MTRR: variants seen among roughly 807,000 people sequenced by gnomAD.
The protein encoded by MTRR is 5-methyltetrahydrofolate-homocysteine methyltransferase reductase.
MTRR carries 63 observed loss-of-function variants against 79.2 expected under a neutral mutation model. The ratio of observed to expected loss-of-function variants is 0.80; its 90% confidence interval spans 0.65 to 0.98. The LOEUF is 0.98. Ranked by LOEUF, MTRR falls within the 50% of genes least tolerant of loss-of-function variation. The pLI, the probability that MTRR is intolerant of heterozygous loss-of-function variation, is 0.00. For synonymous variants in MTRR, 355 were observed against 313.3 expected (o/e 1.13, Z -1.41); for missense variants, 895 against 839.6 (o/e 1.07, Z -0.82).
intron 1 of MTRR, among the ~76,000 whole-genome samples, chr5:7,853,411 A>C (rs1240795827): frequency 6.6e-6 from 1 of 152,228 alleles, no homozygotes; most frequent in Non-Finnish European, 1.5e-5. Context: ...TGAATTACCC[A>C]GTCTCAGGTA....
chr5:7,873,560 A>G (rs1259637928), intron 3 of MTRR, 34 bp downstream of exon 3: 1 of 1,605,716 alleles, frequency 6.2e-7, no homozygotes, highest in South Asian at 1.1e-5. Context: ...TTACTATAGT[A>G]TACTATTGAT....
At chr5:7,877,735 C>T (rs549824056) in intron 4 of MTRR, among the ~76,000 whole-genome samples, 1 of 152,200 alleles carries the variant, frequency 6.6e-6, no homozygotes, top group African/African-American at 2.4e-5. Flanking sequence ...TATACATACT[C>T]ATGTTTTCAG....
chr5:7,869,283 G>A, intron 1 of MTRR, 68 bp downstream of exon 1: 5 of 1,576,992 alleles, frequency 3.2e-6, no homozygotes, highest in South Asian at 1.1e-5. Context: ...CCTGGGAGAG[G>A]CGGCCCGGGG....
intron 7 of MTRR, 47 bp from the exon 8 acceptor site, chr5:7,886,568 C>G (rs1336845088): frequency 2.9e-6 from 4 of 1,390,584 alleles, no homozygotes; most frequent in Non-Finnish European, 4.1e-6. Flanking sequence ...ACATTTTATT[C>G]TTCATCTTCT....
rs1458075785 is a variant in MTRR, at chr5:7,896,880, C to A, written c.1693C>A (p.Gln565Lys). 1 of 1,613,742 alleles carries A rather than the reference C, an allele frequency of 6.2e-7. No homozygotes were observed. ...FLQHREKLQE[Q>K]HPDGNFGAMW... ...TCCACTTAGAGAGAAACTCCAAGAA[C>A]AACACCCAGATGGAAATTTTGGAGC... The change falls in exon 13 of 15, where the codon CAA becomes AAA. Residue 565 changes from glutamine to lysine, a missense_variant. Physicochemically the swap from Gln to Lys is moderately conservative, Grantham distance 53. Transcript: ENST00000440940.
intron 7 of MTRR, among the ~76,000 whole-genome samples, chr5:7,886,300 A>G (rs182749402): frequency 6.6e-6 from 1 of 152,104 alleles, no homozygotes; most frequent in Non-Finnish European, 1.5e-5. Context: ...AGTAGTCCTA[A>G]ATTGATTTTT....
chr5:7,869,875 GTT>G (rs1262060030), intron 1 of MTRR, among the ~76,000 whole-genome samples: 1 of 152,230 alleles, frequency 6.6e-6, no homozygotes, highest in Non-Finnish European at 1.5e-5. Flanking sequence ...AATGTGTAGT[GTT>G]TTCATATTGT....
chr5:7,884,412 C>T (rs563043242), intron 6 of MTRR, among the ~76,000 whole-genome samples: 68 of 152,274 alleles, frequency 4.5e-4, no homozygotes, highest in African/African-American at 3.1e-4. Flanking sequence ...CACATCCTCC[C>T]CTACACTTTA....
In MTRR at chr5:7,883,288, A is replaced by G. The variant is rs780848110; in HGVS notation, c.903+11A>G. ...GAATTGGACATTTCAGTAAGTTGCA[A>G]AATTTATTTCTCAGCACAGTAATAT... On this transcript the variant is annotated intron_variant, in intron 6 of 14. Transcript: ENST00000440940. 7.4e-6 allele frequency: 12 copies of G among 1,614,036 alleles called. No homozygotes were observed. In the Admixed American group the frequency reaches 1.8e-4, roughly 25 times the overall value.
At chr5:7,867,438 G>A (rs201089424), upstream of MTRR, 33 of 1,614,016 alleles carry the variant, frequency 2.0e-5, no homozygotes, top group Admixed American at 1.3e-4. Flanking sequence ...CAAAGATTGC[G>A]AACTTCCATG....
chr5:7,883,527 CATAT>C, intron 6 of MTRR, among the ~76,000 whole-genome samples: 1 of 133,284 alleles, frequency 7.5e-6, no homozygotes, highest in African/African-American at 3.2e-5. Context: ...TGCTTGGTTA[CATAT>C]GCTGAGTTGT....
At chr5:7,880,290 T>C (rs887465217) in intron 5 of MTRR, among the ~76,000 whole-genome samples, 2 of 152,226 alleles carry the variant, frequency 1.3e-5, no homozygotes, top group African/African-American at 4.8e-5. Flanking sequence ...GCAGGACTTA[T>C]GATAGCCCTG....
At chr5:7,883,079 A>G (rs1001309759) in intron 5 of MTRR, 76 bp from the exon 6 acceptor site, 14 of 1,601,498 alleles carry the variant, frequency 8.7e-6, no homozygotes, top group East Asian at 4.5e-5. Context: ...GCCCCTGTGG[A>G]TCTTGCGTAG....
At chr5:7,854,192 G>T (rs115528290) in intron 1 of MTRR, among the ~76,000 whole-genome samples, 2 of 152,012 alleles carry the variant, frequency 1.3e-5, no homozygotes, top group Non-Finnish European at 2.9e-5. Flanking sequence ...GTTCTGTGCC[G>T]GAGAAGGGGA....
chr5:7,856,707 A>C lies in MTRR; in HGVS notation n.391+5122A>C, dbSNP rs549807342. 5 of 148,654 alleles carry C rather than the reference A, an allele frequency of 3.4e-5. No individual in the cohort carries two copies. The East Asian group carries it at 9.9e-4, about 29-fold the overall frequency. 9.2% of individuals were successfully genotyped at this position (148,654 alleles called of 1,614,324 possible). ...TTGCCTGGTTCCTCACTGAGCCAAG[A>C]CCCCTCTCTGGATTTGCGCACATCA... On this transcript the variant is annotated intron_variant and non_coding_transcript_variant, in intron 1 of 3. Transcript: ENST00000502509.
chr5:7,869,617 ACGCGGCCGTGAGTTCTGCC>A (rs1038915201), intron 1 of MTRR: 3 of 248,214 alleles, frequency 1.2e-5, no homozygotes, highest in South Asian at 8.3e-5. Flanking sequence ...ACCCGGCGGG[ACGCGGCCGTGAGTTCTGCC>A]CGCGGCCGTG....
chr5:7,896,850 T>C lies in MTRR; in HGVS notation c.1677-14T>C. The C allele has an allele frequency of 3.1e-6, 5 of 1,612,568 alleles. No individual in the cohort carries two copies. The highest frequency in any genetic ancestry group is 4.2e-6 in the Non-Finnish European group (5 of 1,178,656). On this transcript the variant is annotated splice_polypyrimidine_tract_variant and intron_variant, in intron 12 of 14. Transcript: ENST00000440940. Reference sequence around the variant, plus strand: ...TTTATATCACACACCTAAACTTTTTTTTTTTCCACTTAGAGAGAAACTCCA... The same window carrying C: ...TTTATATCACACACCTAAACTTTTTCTTTTTCCACTTAGAGAGAAACTCCA...
chr5:7,852,505 G>T (rs1031017337), intron 1 of MTRR, among the ~76,000 whole-genome samples: 1 of 152,132 alleles, frequency 6.6e-6, no homozygotes, highest in African/African-American at 2.4e-5. Context: ...TCAGCCATGA[G>T]TCAAGGGTCA....
At position 7,869,456 on chromosome 5, in the gene MTRR, C is replaced by T. The variant is rs537746498; in HGVS notation, c.-26+241C>T. 1,496 of 559,402 alleles carry T rather than the reference C, an allele frequency of 2.7e-3. 7 individuals carry two copies. The highest frequency in any genetic ancestry group is 3.8e-3 in the Non-Finnish European group (1,192 of 313,628). The allele number at this position is 559,402 out of a possible 1,614,324, so 34.7% of individuals were successfully genotyped here. On this transcript the variant is annotated intron_variant, in intron 1 of 14. Coordinates refer to ENST00000440940, the MANE Select transcript of MTRR (RefSeq NM_002454.3). ...GCGTCGGCCTCTGCCGCGGGAGGCCCCTGGGCGGCGTGGGGTCTCTCCTCA... is the reference window on the plus strand; with the variant it reads ...GCGTCGGCCTCTGCCGCGGGAGGCCTCTGGGCGGCGTGGGGTCTCTCCTCA...
Sources: allele counts gnomAD v4.1 joint callset (sites outside exome capture counted in the v4.1 genomes callset), GRCh38; gene constraint gnomAD v4.1.1; transcripts MANE v1.5; gene names NCBI Gene and HGNC (gene_info 2026-07-23, HGNC 2026-07-21).